RAI14: variants seen among roughly 807,000 people sequenced by gnomAD.
RAI14 encodes ankycorbin.
A neutral mutation model predicts 115.4 loss-of-function variants in RAI14; 45 were observed. That is an observed-to-expected ratio of 0.39 (90% CI 0.31 to 0.50). RAI14 has a LOEUF of 0.50. Among genes scored for constraint, RAI14 ranks in the 20% least tolerant of loss-of-function variants. The pLI is 0.85. For synonymous variants in RAI14, 371 were observed against 415.4 expected (o/e 0.89, Z 1.30); for missense variants, 939 against 1,131.2 (o/e 0.83, Z 2.44).
chr5:34,685,450 A>G (rs1744763188), intron 1 of RAI14, among the ~76,000 whole-genome samples: 1 of 152,122 alleles, frequency 6.6e-6, no homozygotes, highest in Non-Finnish European at 1.5e-5. Context: ...GACTGTCAGG[A>G]CTAGGTTGGG....
chr5:34,825,262 G>A (rs1435954730), intron 15 of RAI14, among the ~76,000 whole-genome samples: 1 of 152,194 alleles, frequency 6.6e-6, no homozygotes, highest in Non-Finnish European at 1.5e-5. Flanking sequence ...GCAACAGAGT[G>A]AGACCCTGCC....
At chr5:34,785,733 T>C (rs1456023201) in intron 3 of RAI14, among the ~76,000 whole-genome samples, 1 of 152,220 alleles carries the variant, frequency 6.6e-6, no homozygotes, top group African/African-American at 2.4e-5. Flanking sequence ...CTGCTTTGCC[T>C]TCTTTATTTG....
chr5:34,741,859 A>T (rs1359890931), intron 2 of RAI14, among the ~76,000 whole-genome samples: 1 of 152,188 alleles, frequency 6.6e-6, no homozygotes, highest in African/African-American at 2.4e-5. Flanking sequence ...AAGTTAAAAG[A>T]CAATTGAAAT....
chr5:34,701,412 T>A (rs189829547), intron 2 of RAI14, among the ~76,000 whole-genome samples: 1 of 152,284 alleles, frequency 6.6e-6, no homozygotes, highest in African/African-American at 2.4e-5. Flanking sequence ...GAGATTAAGA[T>A]CTGAATAGGA....
chr5:34,803,003 G>C (rs1561056068), intron 4 of RAI14, among the ~76,000 whole-genome samples: 1 of 151,942 alleles, frequency 6.6e-6, no homozygotes, highest in Non-Finnish European at 1.5e-5. Context: ...CTGCTGGCTT[G>C]TGGGTTGCCT....
intron 17 of RAI14, among the ~76,000 whole-genome samples, chr5:34,830,261 C>T (rs569338663): frequency 2.6e-5 from 4 of 152,230 alleles, no homozygotes; most frequent in East Asian, 3.9e-4. Flanking sequence ...TGAGATTACA[C>T]GCATGAGCCA....
intron 14 of RAI14, among the ~76,000 whole-genome samples, chr5:34,822,257 T>TATATATATATATAC (rs1475607005): frequency 1.4e-5 from 2 of 145,688 alleles, no homozygotes; most frequent in African/African-American, 5.0e-5. Context: ...TATGTATATA[T>TATATATATATATAC]ATATATATAT....
intron 2 of RAI14, among the ~76,000 whole-genome samples, chr5:34,719,074 T>A (rs1484281265): frequency 6.6e-6 from 1 of 152,192 alleles, no homozygotes; most frequent in African/African-American, 2.4e-5. Flanking sequence ...ACTCACCAAT[T>A]CTCTGGACAG....
chr5:34,702,540 A>G (rs1033678303), intron 2 of RAI14, among the ~76,000 whole-genome samples: 1 of 152,224 alleles, frequency 6.6e-6, no homozygotes, highest in African/African-American at 2.4e-5. Context: ...GGTTAAAAGC[A>G]GTGAATGTTC....
In RAI14 at chr5:34,727,818, G is replaced by T. The variant is rs539146866; in HGVS notation, c.37-29650G>T. 3.9e-5 allele frequency among the ~76,000 whole-genome samples: 6 copies of T among 152,284 alleles called. No homozygotes were observed. In the East Asian group the frequency reaches 1.2e-3, roughly 29 times the overall value. ...GGATATCCAGGCAGAAGTTTGCATG[G>T]GGGTGGGGCTCTCATGGAGAACCTC... is the stretch of plus-strand genomic sequence containing the variant. On this transcript the variant is annotated intron_variant, in intron 2 of 17. Coordinates refer to ENST00000265109, the MANE Select transcript of RAI14 (RefSeq NM_015577.3).
intron 2 of RAI14, among the ~76,000 whole-genome samples, chr5:34,708,992 A>G (rs1410130368): frequency 6.6e-6 from 1 of 151,986 alleles, no homozygotes; most frequent in African/African-American, 2.4e-5. Flanking sequence ...AAACTTTAGA[A>G]GATAACTGGG....
Position 34,823,054 on chromosome 5 carries a change from C to T in RAI14, c.1212C>T (p.Thr404=), listed in dbSNP as rs1423018880. Residue 404 remains threonine (T), a synonymous_variant, in exon 15 of 18, where the codon ACC becomes ACT. Transcript: ENST00000265109. This position sits in a 1 kb window ranked among gnomAD's most constrained non-coding sequence, Gnocchi z 4.5. The part of the protein sequence containing the change: ...LGPSLGKPGE[T]SPPDSKSSPS... ...CATCCCTGGGAAAACCTGGTGAAACCTCTCCCCCAGACTCCAAATCATCTC... is the reference window on the plus strand; with the variant it reads ...CATCCCTGGGAAAACCTGGTGAAACTTCTCCCCCAGACTCCAAATCATCTC... 1 of 1,613,144 alleles carries T rather than the reference C, an allele frequency of 6.2e-7. No homozygotes were observed. The highest frequency in any genetic ancestry group is 8.5e-7 in the Non-Finnish European group (1 of 1,179,192).
At chr5:34,755,777 C>A (rs1747805546) in intron 2 of RAI14, among the ~76,000 whole-genome samples, 1 of 152,122 alleles carries the variant, frequency 6.6e-6, no homozygotes, top group South Asian at 2.1e-4. Context: ...GGCAGACAGT[C>A]CTGTTCTAGA....
intron 3 of RAI14, among the ~76,000 whole-genome samples, chr5:34,759,948 C>T (rs1406547794): frequency 2.0e-5 from 3 of 152,150 alleles, no homozygotes; most frequent in African/African-American, 7.2e-5. Context: ...CCCTGCTCGT[C>T]CTAGATTAGT....
intron 3 of RAI14, among the ~76,000 whole-genome samples, chr5:34,758,120 T>C (rs1227748764): frequency 6.6e-6 from 1 of 152,214 alleles, no homozygotes; most frequent in Non-Finnish European, 1.5e-5. Context: ...TTATATCCAT[T>C]CTTACGTTGG....
chr5:34,758,898 A>G (rs147381504), intron 3 of RAI14, among the ~76,000 whole-genome samples: 31 of 152,284 alleles, frequency 2.0e-4, no homozygotes, highest in African/African-American at 7.0e-4. Context: ...GGTTTATAGT[A>G]TGCCTCAGAG....
chr5:34,786,282 T>C (rs1698900972), intron 3 of RAI14, among the ~76,000 whole-genome samples: 1 of 152,246 alleles, frequency 6.6e-6, no homozygotes, highest in South Asian at 2.1e-4. Flanking sequence ...TCTAGCTTGC[T>C]GAATTCCTGC....
chr5:34,795,898 A>G, intron 3 of RAI14, 41 bp from the exon 4 acceptor site: 2 of 1,522,870 alleles, frequency 1.3e-6, no homozygotes, highest in Middle Eastern at 1.7e-4. Flanking sequence ...AACATTAAAG[A>G]GTAGAAATCT....
intron 12 of RAI14, among the ~76,000 whole-genome samples, chr5:34,816,981 GA>G (rs1210669342): frequency 2.0e-5 from 3 of 151,924 alleles, no homozygotes; most frequent in African/African-American, 7.3e-5. Context: ...AGACAAAAGT[GA>G]TATCTAGGCC....
Sources: allele counts gnomAD v4.1 joint callset (sites outside exome capture counted in the v4.1 genomes callset), GRCh38; gene constraint gnomAD v4.1.1; non-coding constraint Gnocchi (gnomAD v3.1); transcripts MANE v1.5; gene names NCBI Gene and HGNC (gene_info 2026-07-23, HGNC 2026-07-21).